Variants in LAMA2 observed in about 807,000 individuals in gnomAD.
LAMA2 encodes the protein laminin subunit alpha-2.
A neutral mutation model predicts 364.8 loss-of-function variants in LAMA2; 269 were observed. The ratio of observed to expected loss-of-function variants is 0.74; its 90% CI spans 0.67 to 0.82. The LOEUF is 0.82. Ranked by LOEUF, LAMA2 falls within the 40% of genes least tolerant of loss-of-function variation. The pLI is 0.00. For missense variants in LAMA2, 3,807 were observed against 3,873.2 expected (o/e 0.98, Z 0.45); for synonymous variants, 1,379 against 1,370.6 (o/e 1.01, Z -0.14).
At chr6:129,437,146 C>A (rs1054340445) in intron 41 of LAMA2, among the ~76,000 whole-genome samples, 6 of 152,010 alleles carry the variant, frequency 3.9e-5, no homozygotes, top group Admixed American at 2.0e-4. Flanking sequence ...ACTATCAATC[C>A]TTGGTAGAAT....
intron 1 of LAMA2, among the ~76,000 whole-genome samples, chr6:128,954,001 A>T (rs948958278): frequency 6.6e-6 from 1 of 152,140 alleles, no homozygotes; most frequent in Non-Finnish European, 1.5e-5. Flanking sequence ...GATTTTTGTT[A>T]TGCTAAATTT....
chr6:129,099,068 G>A (rs1334895781), intron 4 of LAMA2, among the ~76,000 whole-genome samples: 2 of 149,926 alleles, frequency 1.3e-5, no homozygotes, highest in South Asian at 2.1e-4. Flanking sequence ...TTCTAACCAT[G>A]GCTTCAGTTG....
intron 45 of LAMA2, among the ~76,000 whole-genome samples, chr6:129,447,543 C>T (rs1414739): frequency 0.15 from 22,703 of 152,218 alleles, 1,817 homozygotes; most frequent in East Asian, 0.21. Flanking sequence ...GGCCAGGTCT[C>T]GTCAGGCCTT....
In LAMA2 at chr6:129,438,632, T is replaced by C. The variant is rs182221247; in HGVS notation, c.5969-14T>C. 2.2e-6 allele frequency: 3 copies of C among 1,377,222 alleles called. No homozygotes were observed. The highest frequency in any genetic ancestry group is 1.4e-5 in the African/African-American group (1 of 70,474). The allele number at this position is 1,377,222 out of a possible 1,614,324, so 85.3% of individuals were successfully genotyped here. ...AAAACTTATTTAATCCTTTTTTTTG[T>C]TTTTTATTCGCAGAAAATGAAGACC... On this transcript the variant is annotated splice_polypyrimidine_tract_variant and intron_variant, in intron 41 of 64. Transcript: ENST00000421865.
chr6:129,021,576 A>G (rs1785453649), intron 1 of LAMA2, among the ~76,000 whole-genome samples: 1 of 152,216 alleles, frequency 6.6e-6, no homozygotes. Context: ...TTTTCTAGCC[A>G]TAAGAATTAG....
chr6:128,921,799 T>C (rs910623758), intron 1 of LAMA2, among the ~76,000 whole-genome samples: 3 of 151,626 alleles, frequency 2.0e-5, no homozygotes, highest in Non-Finnish European at 4.4e-5. Flanking sequence ...GCTTGTGCGC[T>C]GCACCCACTA....
intron 1 of LAMA2, among the ~76,000 whole-genome samples, chr6:129,020,092 GAAAAAAAAAGAAAAAAAA>G (rs1002053683): frequency 8.3e-5 from 5 of 60,582 alleles, no homozygotes; most frequent in African/African-American, 1.2e-4. Flanking sequence ...ATCTCAAAAA[GAAAAAAAAAGAAAAAAAA>G]AAAAAAAAAG....
chr6:129,388,306 T>C (rs1413629799), intron 35 of LAMA2, among the ~76,000 whole-genome samples: 1 of 151,854 alleles, frequency 6.6e-6, no homozygotes, highest in African/African-American at 2.4e-5. Context: ...GACGGGTTGA[T>C]AGGTGCAGCA....
At chr6:129,388,817 A>C (rs1168301728) in intron 35 of LAMA2, among the ~76,000 whole-genome samples, 1 of 152,232 alleles carries the variant, frequency 6.6e-6, no homozygotes, top group African/African-American at 2.4e-5. Flanking sequence ...AGTTACTTAC[A>C]TGCTACAATT....
chr6:129,499,264 AT>A (rs986303196), intron 58 of LAMA2, among the ~76,000 whole-genome samples: 110 of 149,492 alleles, frequency 7.4e-4, no homozygotes, highest in East Asian at 2.5e-3. Flanking sequence ...GAGACTGTGA[AT>A]TTTTTTTTTT....
At chr6:129,307,751 T>G (rs994575783) in intron 22 of LAMA2, among the ~76,000 whole-genome samples, 1 of 152,254 alleles carries the variant, frequency 6.6e-6, no homozygotes, top group African/African-American at 2.4e-5. Context: ...AAGAAGAATA[T>G]TCTTCAGTGC....
chr6:128,933,768 A>G (rs1010597966), intron 1 of LAMA2, among the ~76,000 whole-genome samples: 1 of 152,088 alleles, frequency 6.6e-6, no homozygotes, highest in African/African-American at 2.4e-5. Flanking sequence ...TCCTTTGTCC[A>G]TTTTGAAATT....
intron 3 of LAMA2, among the ~76,000 whole-genome samples, chr6:129,093,771 T>A (rs1774994105): frequency 6.6e-6 from 1 of 152,240 alleles, no homozygotes; most frequent in African/African-American, 2.4e-5. Flanking sequence ...TTATGTAAAT[T>A]GTCAAACACT....
At chr6:129,128,541 A>G (rs1777254413) in intron 4 of LAMA2, among the ~76,000 whole-genome samples, 2 of 152,210 alleles carry the variant, frequency 1.3e-5, no homozygotes, top group Admixed American at 1.3e-4. Context: ...AATGACATCA[A>G]AATCTTGATA....
intron 1 of LAMA2, among the ~76,000 whole-genome samples, chr6:129,039,797 T>G (rs981574175): frequency 2.6e-5 from 4 of 152,154 alleles, no homozygotes; most frequent in Non-Finnish European, 5.9e-5. Context: ...CACGTTCCTG[T>G]GAGAGTCTAA....
chr6:129,269,306 G>A (rs1465625206), intron 16 of LAMA2, among the ~76,000 whole-genome samples: 3 of 151,298 alleles, frequency 2.0e-5, no homozygotes, highest in South Asian at 2.1e-4. Flanking sequence ...ATTTTGTAAA[G>A]CACTTTCGTA....
At chr6:128,914,153 A>G (rs1244185672) in intron 1 of LAMA2, among the ~76,000 whole-genome samples, 1 of 152,174 alleles carries the variant, frequency 6.6e-6, no homozygotes, top group Non-Finnish European at 1.5e-5. Flanking sequence ...TTGCATTTCT[A>G]CTTTAAAAAT....
At chr6:129,507,410 C>G in intron 61 of LAMA2, 79 bp from the exon 62 acceptor site, 7 of 1,441,040 alleles carry the variant, frequency 4.9e-6, no homozygotes, top group Non-Finnish European at 5.9e-6. Context: ...CATAGAGCAC[C>G]CTGCAAATGA....
At chr6:128,924,229 T>C (rs1778941029) in intron 1 of LAMA2, among the ~76,000 whole-genome samples, 1 of 152,168 alleles carries the variant, frequency 6.6e-6, no homozygotes, top group Non-Finnish European at 1.5e-5. Context: ...CACACATATG[T>C]ATTTATGTGT....
Sources: gnomAD v4.1 joint callset for allele counts (sites outside exome capture counted in the v4.1 genomes callset) on GRCh38, gnomAD v4.1.1 for gene constraint, MANE v1.5 for transcripts, NCBI Gene and HGNC (gene_info 2026-07-23, HGNC 2026-07-21) for gene names.